EIF2S3B: variants seen among roughly 807,000 people sequenced by gnomAD.
EIF2S3B encodes the protein eukaryotic translation initiation factor 2 subunit 3B.
EIF2S3B carries 16 observed loss-of-function variants against 26.4 expected under a neutral mutation model. The ratio of observed to expected loss-of-function variants is 0.61; its 90% CI spans 0.41 to 0.92. The LOEUF is 0.92. Among genes scored for constraint, EIF2S3B ranks in the 40% least tolerant of loss-of-function variants. EIF2S3B has a pLI of 0.00. For synonymous variants in EIF2S3B, 183 were observed against 204.4 expected (o/e 0.90, Z 0.89); for missense variants, 510 against 575.5 (o/e 0.89, Z 1.16).
chr12:10,521,383 G>C (rs1269355223), intron 1 of EIF2S3B, among the ~76,000 whole-genome samples: 1 of 151,994 alleles, frequency 6.6e-6, no homozygotes, highest in Non-Finnish European at 1.5e-5. Flanking sequence ...TCTGCAGAGT[G>C]ATGTTTTTTT....
downstream of EIF2S3B, among the ~76,000 whole-genome samples, chr12:10,509,197 A>C (rs1022126781): frequency 2.0e-5 from 3 of 152,086 alleles, no homozygotes; most frequent in African/African-American, 4.8e-5. Context: ...TCATTGTTAG[A>C]ATATTATTCT....
chr12:10,506,429 C>T lies in EIF2S3B; in HGVS notation c.527C>T (p.Ala176Val), dbSNP rs753658501. 6.2e-7 allele frequency: 1 copy of T among 1,613,516 alleles called. No homozygotes were observed. Among genetic ancestry groups the T allele is most frequent in the Admixed American group, 1.7e-5 (1 of 60,026 alleles). The change falls in exon 1 of 1, where the codon GCT (alanine) becomes GTT (valine). Residue 176 changes from alanine to valine, a missense_variant. Physicochemically the swap from Ala to Val is moderately conservative, Grantham distance 64 (BLOSUM62 0). Coordinates refer to ENST00000538173, the MANE Select transcript of EIF2S3B (RefSeq NM_001357734.3). ...PQPQTSEHLAAIEIMKLKHIL... is the reference protein window; with the variant it reads ...PQPQTSEHLAVIEIMKLKHIL... ...CCTCAGACATCTGAACACCTGGCTG[C>T]TATAGAGATCATGAAACTGAAGCAT...
At chr12:10,518,123 A>T (rs1306380558) in intron 1 of EIF2S3B, among the ~76,000 whole-genome samples, 1 of 152,150 alleles carries the variant, frequency 6.6e-6, no homozygotes, top group Non-Finnish European at 1.5e-5. Context: ...GATGTCTATT[A>T]GGTCCACTTG....
downstream of EIF2S3B, among the ~76,000 whole-genome samples, chr12:10,512,736 C>T (rs542097298): frequency 1.6e-4 from 24 of 152,134 alleles, no homozygotes; most frequent in Non-Finnish European, 2.9e-4. Context: ...ATCATCATCT[C>T]TAGCTATTCC....
At chr12:10,519,497 A>G (rs1291570850) in intron 1 of EIF2S3B, among the ~76,000 whole-genome samples, 1 of 152,080 alleles carries the variant, frequency 6.6e-6, no homozygotes, top group East Asian at 1.9e-4. Context: ...ACAAAAGCCA[A>G]AATTGACAAA....
downstream of EIF2S3B, among the ~76,000 whole-genome samples, chr12:10,509,705 G>T (rs1481710700): frequency 6.6e-6 from 1 of 151,652 alleles, no homozygotes; most frequent in East Asian, 1.9e-4. Flanking sequence ...ATAGATTTAT[G>T]GTTCATTTTG....
At chr12:10,509,187 T>C (rs1053545306), downstream of EIF2S3B, among the ~76,000 whole-genome samples, 1 of 152,138 alleles carries the variant, frequency 6.6e-6, no homozygotes, top group African/African-American at 2.4e-5. Context: ...AAGATTCTTA[T>C]CATTGTTAGA....
Position 10,506,661 on chromosome 12 carries a change from G to GC in EIF2S3B, c.763dup (p.Arg255ProfsTer6), listed in dbSNP as rs1864635137. ...TACCCCCAAGAGACTTTACTTCAGA[G>GC]CCCCGGCTTATTGTTATTAGATCTT... On this transcript the variant is annotated frameshift_variant, in exon 1 of 1. Transcript: ENST00000538173. LOFTEE classifies it high-confidence loss of function. 16 of 1,613,882 alleles carry GC rather than the reference G, an allele frequency of 9.9e-6. No homozygotes were observed. Among genetic ancestry groups the GC allele is most frequent in the Non-Finnish European group, 1.4e-5 (16 of 1,179,814 alleles).
At chr12:10,521,665 G>A (rs1255134718) in intron 1 of EIF2S3B, among the ~76,000 whole-genome samples, 1 of 152,110 alleles carries the variant, frequency 6.6e-6, no homozygotes, top group Non-Finnish European at 1.5e-5. Flanking sequence ...CCTTTTCTAA[G>A]TTAACTAAGG....
Position 10,507,335 on chromosome 12 carries a change from A to C in EIF2S3B, c.*14A>C, listed in dbSNP as rs761496412. 7.4e-6 allele frequency: 12 copies of C among 1,612,296 alleles called. No homozygotes were observed. The highest frequency in any genetic ancestry group is 2.7e-5 in the African/African-American group (2 of 74,892). On this transcript the variant is annotated 3_prime_UTR_variant, in exon 1 of 1. Transcript: ENST00000538173. ...GATGATGACTGAAGAATACCGGTTA[A>C]ATAATACATTCGGATGGAGCTGGAA...
At chr12:10,519,122 C>A (rs1283451462) in intron 1 of EIF2S3B, among the ~76,000 whole-genome samples, 2 of 151,960 alleles carry the variant, frequency 1.3e-5, no homozygotes, top group Non-Finnish European at 2.9e-5. Flanking sequence ...TACAAGGCTA[C>A]AGTAACCAAA....
downstream of EIF2S3B, among the ~76,000 whole-genome samples, chr12:10,513,218 T>C (rs1454197029): frequency 6.6e-6 from 1 of 152,248 alleles, no homozygotes; most frequent in Non-Finnish European, 1.5e-5. Context: ...TTGTATGACA[T>C]TGTACAGAAA....
chr12:10,516,328 CT>C, intron 1 of EIF2S3B, among the ~76,000 whole-genome samples: 1 of 152,042 alleles, frequency 6.6e-6, no homozygotes, highest in South Asian at 2.1e-4. Context: ...TATCGTAAGC[CT>C]GCAAATGCCA....
At position 10,506,042 on chromosome 12, in the gene EIF2S3B, T is replaced by C. The variant is rs1323657568; in HGVS notation, c.140T>C (p.Ile47Thr). 5.0e-6 allele frequency: 8 copies of C among 1,603,612 alleles called. No homozygotes were observed. Among genetic ancestry groups the C allele is most frequent in the South Asian group, 3.3e-5 (3 of 90,884 alleles). Residue 47 changes from isoleucine (I) to threonine (T), a missense_variant, in exon 1 of 1, where the codon ATT (isoleucine) becomes ACT (threonine). Transcript: ENST00000538173. ...SRQATINIGT[I>T]GHVAHGKSTV... ...CAAGCCACAATTAATATAGGTACAA[T>C]TGGTCATGTAGCTCATGGGAAATCC...
downstream of EIF2S3B, among the ~76,000 whole-genome samples, chr12:10,510,890 T>C (rs1267650095): frequency 2.0e-5 from 3 of 152,110 alleles, no homozygotes; most frequent in African/African-American, 7.2e-5. Flanking sequence ...GAGTTCTATA[T>C]TGGGCAAACT....
chr12:10,510,819 A>G (rs1864697347), downstream of EIF2S3B, among the ~76,000 whole-genome samples: 1 of 152,134 alleles, frequency 6.6e-6, no homozygotes, highest in Non-Finnish European at 1.5e-5. Flanking sequence ...CAATATGGAG[A>G]AGTTCTTCCT....
At chr12:10,509,124 C>T (rs996583934), downstream of EIF2S3B, among the ~76,000 whole-genome samples, 23 of 152,018 alleles carry the variant, frequency 1.5e-4, no homozygotes, top group African/African-American at 5.6e-4. Context: ...TTATTTTGTC[C>T]TGTTAAATGT....
chr12:10,513,112 T>C (rs1016448080), downstream of EIF2S3B, among the ~76,000 whole-genome samples: 1 of 152,240 alleles, frequency 6.6e-6, no homozygotes, highest in African/African-American at 2.4e-5. Context: ...TACCGAATCC[T>C]ATGTGATGAA....
downstream of EIF2S3B, among the ~76,000 whole-genome samples, chr12:10,508,847 C>T (rs372072640): frequency 4.6e-5 from 7 of 152,030 alleles, no homozygotes; most frequent in South Asian, 6.2e-4. Context: ...TAAAAACTTG[C>T]GTGTACATAT....
Sources: gnomAD v4.1 joint callset for allele counts (sites outside exome capture counted in the v4.1 genomes callset) on GRCh38, gnomAD v4.1.1 for gene constraint, MANE v1.5 for transcripts, NCBI Gene and HGNC (gene_info 2026-07-23, HGNC 2026-07-21) for gene names.